Variants in GRIK1 observed in about 807,000 individuals in gnomAD.
GRIK1 encodes glutamate ionotropic receptor kainate type subunit 1, also known as glutamate receptor ionotropic, kainate 1.
In GRIK1, 69 loss-of-function variants were observed where a neutral mutation model predicts 105.7. The observed-to-expected ratio is 0.65, with a 90% CI of 0.54 to 0.80. The LOEUF (loss-of-function observed/expected upper bound fraction) is 0.80, where lower values mean the gene tolerates loss of function less well. Ranked by LOEUF, GRIK1 falls within the 30% of genes least tolerant of loss-of-function variation. The probability of loss-of-function intolerance (pLI) is 0.00; values close to 1 mark genes in which losing one functional copy is unlikely to be tolerated. For synonymous variants in GRIK1, 438 were observed against 431.3 expected, an observed-to-expected ratio of 1.02 and a Z score of -0.19; for missense variants, 1,109 against 1,167.3, an observed-to-expected ratio of 0.95 and a Z score of 0.73.
intron 4 of GRIK1, among the ~76,000 whole-genome samples, chr21:29,658,068 T>G (rs2062888672): frequency 6.6e-6 from 1 of 152,200 alleles, no homozygotes; most frequent in Non-Finnish European, 1.5e-5. Context: ...GTATACTTTA[T>G]TAGGGCGGTA....
chr21:29,672,786 C>T (rs2063183508), intron 4 of GRIK1, among the ~76,000 whole-genome samples, 197 bp downstream of exon 4: 1 of 152,186 alleles, frequency 6.6e-6, no homozygotes, highest in African/African-American at 2.4e-5. Flanking sequence ...TAAACACTCA[C>T]ATTATGGCTT....
At chr21:29,614,285 C>T (rs2061792665) in intron 7 of GRIK1, among the ~76,000 whole-genome samples, 2 of 151,964 alleles carry the variant, frequency 1.3e-5, no homozygotes, top group South Asian at 4.2e-4. Context: ...TGTGCATTTT[C>T]CAGTGTTTCA....
At chr21:29,775,184 T>A (rs545266286) in intron 1 of GRIK1, among the ~76,000 whole-genome samples, 1 of 149,326 alleles carries the variant, frequency 6.7e-6, no homozygotes, top group Non-Finnish European at 1.5e-5. Flanking sequence ...GGCATGCACC[T>A]GTAATCCCAG....
At chr21:29,748,006 G>A (rs1010536167) in intron 1 of GRIK1, among the ~76,000 whole-genome samples, 23 of 152,102 alleles carry the variant, frequency 1.5e-4, no homozygotes, top group African/African-American at 5.6e-4. Flanking sequence ...TAAAATAAAA[G>A]AGACATGCCA....
chr21:29,539,981 C>T (rs374955485), intron 16 of GRIK1, among the ~76,000 whole-genome samples: 23 of 152,172 alleles, frequency 1.5e-4, no homozygotes, highest in African/African-American at 5.3e-4. Flanking sequence ...TCCCAAAAAC[C>T]ATTATGTTAA....
intron 1 of GRIK1, among the ~76,000 whole-genome samples, chr21:29,759,851 T>G (rs1181299478): frequency 6.6e-6 from 1 of 152,260 alleles, no homozygotes; most frequent in Non-Finnish European, 1.5e-5. Context: ...AAGATTGGTT[T>G]GTCCTAGGCT....
At chr21:29,643,009 T>C (rs772076867) in intron 6 of GRIK1, 40 bp from the exon 7 acceptor site, 10 of 1,596,480 alleles carry the variant, frequency 6.3e-6, no homozygotes, top group Non-Finnish European at 1.7e-6. Flanking sequence ...AATTCCACTT[T>C]TGCTTACCTT....
intron 1 of GRIK1, among the ~76,000 whole-genome samples, chr21:29,707,844 C>G (rs2063955938): frequency 6.6e-6 from 1 of 152,146 alleles, no homozygotes; most frequent in Non-Finnish European, 1.5e-5. Flanking sequence ...CATAATCCAC[C>G]TTTTCAATGG....
intron 14 of GRIK1, among the ~76,000 whole-genome samples, chr21:29,564,178 C>T (rs1049235984): frequency 4.0e-4 from 61 of 152,012 alleles, no homozygotes; most frequent in African/African-American, 1.4e-3. Flanking sequence ...GACGGAGTCT[C>T]GCTCTGTCGC....
intron 1 of GRIK1, among the ~76,000 whole-genome samples, chr21:29,841,330 C>T (rs992703391): frequency 6.6e-6 from 1 of 152,102 alleles, no homozygotes; most frequent in African/African-American, 2.4e-5. Context: ...TCTATGGCTT[C>T]TTTCTGTTTG....
rs1272864952 is a variant in GRIK1, at chr21:29,589,060, A to G, written c.1366-18T>C. 7.4e-7 allele frequency: 1 copy of G among 1,344,160 alleles called. No individual in the cohort carries two copies. Among genetic ancestry groups the G allele is most frequent in the Non-Finnish European group, 1.1e-6 (1 of 941,390 alleles). The allele number at this position is 1,344,160 out of a possible 1,614,324, so 83.3% of individuals were successfully genotyped here. A position where few individuals can be genotyped will look rare whatever the true frequency, so the allele number is the denominator to read the frequency against. ...GGTTCTTCCTAAATGAAACAAACCA[A>G]ATATGAAAACCCTGTTATAATGAAA... On this transcript the variant is annotated intron_variant, in intron 10 of 17. Coordinates refer to ENST00000327783, the MANE Select transcript of GRIK1 (RefSeq NM_001330994.2).
chr21:29,725,892 G>T (rs1327013361), intron 1 of GRIK1, among the ~76,000 whole-genome samples: 1 of 152,144 alleles, frequency 6.6e-6, no homozygotes, highest in Non-Finnish European at 1.5e-5. Context: ...AACAAGGGTG[G>T]ATTTCTGATT....
chr21:29,682,075 T>C (rs896154658), intron 3 of GRIK1, among the ~76,000 whole-genome samples: 3 of 152,208 alleles, frequency 2.0e-5, no homozygotes, highest in African/African-American at 7.2e-5. Context: ...GTCAGGGTGT[T>C]AAATATTTTG....
intron 1 of GRIK1, among the ~76,000 whole-genome samples, chr21:29,921,983 G>A (rs1602055266): frequency 6.6e-6 from 1 of 152,192 alleles, no homozygotes; most frequent in East Asian, 1.9e-4. Flanking sequence ...GTCCTTCTGG[G>A]TGATACTATT....
chr21:29,606,947 G>A (rs905042876), intron 7 of GRIK1, among the ~76,000 whole-genome samples: 1 of 152,166 alleles, frequency 6.6e-6, no homozygotes, highest in African/African-American at 2.4e-5. Context: ...TCAGACCACT[G>A]TGCCACTTTC....
At chr21:29,707,497 CTTCT>C (rs1194920848) in intron 1 of GRIK1, among the ~76,000 whole-genome samples, 2 of 47,836 alleles carry the variant, frequency 4.2e-5, no homozygotes, top group Non-Finnish European at 9.1e-5. Flanking sequence ...TGTTTGTTTC[CTTCT>C]TTCTTTCTTT....
intron 1 of GRIK1, among the ~76,000 whole-genome samples, chr21:29,820,093 G>C (rs1442840561): frequency 6.6e-6 from 1 of 152,042 alleles, no homozygotes; most frequent in Non-Finnish European, 1.5e-5. Context: ...CAGAGTGCTT[G>C]CCATGTGACA....
At chr21:29,774,237 A>C (rs935248308) in intron 1 of GRIK1, among the ~76,000 whole-genome samples, 4 of 152,202 alleles carry the variant, frequency 2.6e-5, no homozygotes, top group African/African-American at 9.7e-5. Flanking sequence ...ACAAACCAGC[A>C]ACCTACTTTT....
chr21:29,812,580 A>G (rs1195409254), intron 1 of GRIK1, among the ~76,000 whole-genome samples: 1 of 152,184 alleles, frequency 6.6e-6, no homozygotes, highest in Non-Finnish European at 1.5e-5. Flanking sequence ...TGCCCAGATC[A>G]GGGTTCCAAA....
Sources: allele counts gnomAD v4.1 joint callset (sites outside exome capture counted in the v4.1 genomes callset), GRCh38; gene constraint gnomAD v4.1.1; transcripts MANE v1.5; gene names NCBI Gene and HGNC (gene_info 2026-07-23, HGNC 2026-07-21).